Variants in MAGI1 observed in about 807,000 individuals in gnomAD.
MAGI1 encodes the protein membrane-associated guanylate kinase, WW and PDZ domain-containing protein 1.
In MAGI1, 58 loss-of-function variants were observed where a neutral mutation model predicts 139.9. That is an observed-to-expected ratio of 0.41 (90% confidence interval 0.34 to 0.52). The LOEUF is 0.52. Ranked by LOEUF, MAGI1 falls within the 20% of genes least tolerant of loss-of-function variation. MAGI1 has a pLI of 0.12. For synonymous variants in MAGI1, 812 were observed against 737.9 expected, an observed-to-expected ratio of 1.10 and a Z score of -1.63; for missense variants, 1,874 against 1,901.6, an observed-to-expected ratio of 0.99 and a Z score of 0.27.
At chr3:65,602,226 A>T (rs569428800) in intron 2 of MAGI1, among the ~76,000 whole-genome samples, 1 of 152,342 alleles carries the variant, frequency 6.6e-6, no homozygotes, top group South Asian at 2.1e-4. Context: ...AAATAAAAAC[A>T]TACATCCACA....
rs76473206 is a variant in MAGI1 at position 65,560,834 on chromosome 3, G to A, written c.430+61138C>T. 3.7e-4 allele frequency among the ~76,000 whole-genome samples: 57 copies of A among 152,330 alleles called. 1 individual carries two copies. The East Asian group carries it at 8.3e-3, about 22-fold the overall frequency. ...ACTAGGGAAGTCTGGGAGGAAGACT[G>A]CTCAGTGATTAGTCCAGATGGGAAC... On this transcript the variant is annotated intron_variant, in intron 2 of 22. Transcript: ENST00000402939.
chr3:65,740,859 T>A (rs191518915), intron 1 of MAGI1, among the ~76,000 whole-genome samples: 1 of 152,340 alleles, frequency 6.6e-6, no homozygotes, highest in Admixed American at 6.5e-5. Flanking sequence ...TATGCACACA[T>A]CCACAAACAC....
chr3:65,945,185 G>A (rs1157776049), intron 1 of MAGI1, among the ~76,000 whole-genome samples: 1 of 152,164 alleles, frequency 6.6e-6, no homozygotes, highest in East Asian at 1.9e-4. Flanking sequence ...GGCCAGGGTG[G>A]ACTCAAGAAA....
intron 2 of MAGI1, among the ~76,000 whole-genome samples, chr3:65,512,555 G>A (rs1001736321): frequency 6.6e-6 from 1 of 152,120 alleles, no homozygotes; most frequent in Non-Finnish European, 1.5e-5. Context: ...AGAAAATCTA[G>A]AAGAAATGGA....
intron 1 of MAGI1, among the ~76,000 whole-genome samples, chr3:65,909,325 G>C (rs992310899): frequency 2.0e-5 from 3 of 150,152 alleles, no homozygotes; most frequent in African/African-American, 7.4e-5. Context: ...AGGAGTTCAA[G>C]ATCAGCCTGC....
intron 10 of MAGI1, 71 bp from the exon 11 acceptor site, chr3:65,430,952 C>T: frequency 7.1e-7 from 1 of 1,417,090 alleles, no homozygotes; most frequent in Non-Finnish European, 9.8e-7. Flanking sequence ...AGATTTGAGA[C>T]AACATATAGA....
intron 5 of MAGI1, among the ~76,000 whole-genome samples, chr3:65,466,955 G>C (rs765670640): frequency 1.3e-5 from 2 of 152,186 alleles, no homozygotes; most frequent in Non-Finnish European, 2.9e-5. Flanking sequence ...CTGTCTTGTA[G>C]GATGCCCCTT....
At chr3:65,994,480 T>C (rs545775290) in intron 1 of MAGI1, among the ~76,000 whole-genome samples, 1 of 152,238 alleles carries the variant, frequency 6.6e-6, no homozygotes, top group African/African-American at 2.4e-5. Flanking sequence ...CCACCCTGGG[T>C]GCTGACTAAA....
At chr3:65,925,706 A>T (rs1295717585) in intron 1 of MAGI1, among the ~76,000 whole-genome samples, 1 of 151,864 alleles carries the variant, frequency 6.6e-6, no homozygotes, top group Non-Finnish European at 1.5e-5. Context: ...TTTAGACAGG[A>T]TCTCCCTCTG....
chr3:65,691,130 G>A (rs1284293150), intron 1 of MAGI1, among the ~76,000 whole-genome samples: 1 of 151,682 alleles, frequency 6.6e-6, no homozygotes, highest in Non-Finnish European at 1.5e-5. Context: ...GGGAAACCCC[G>A]TCTCTACTAA....
chr3:65,400,784 T>G (rs78391593), intron 13 of MAGI1, among the ~76,000 whole-genome samples: 1 of 123,606 alleles, frequency 8.1e-6, no homozygotes, highest in Non-Finnish European at 1.6e-5. Context: ...TTTTTTTTTT[T>G]TTTTTAAGAA....
chr3:65,531,285 A>G (rs73128972), intron 2 of MAGI1, among the ~76,000 whole-genome samples: 53,842 of 151,724 alleles, frequency 0.35, 10,685 homozygotes, highest in East Asian at 0.69. Context: ...TGAGCAACAG[A>G]CTTGCCTATC....
At chr3:65,957,369 A>T (rs888759752) in intron 1 of MAGI1, among the ~76,000 whole-genome samples, 4 of 151,030 alleles carry the variant, frequency 2.6e-5, no homozygotes, top group African/African-American at 7.3e-5. Flanking sequence ...AAAAAAAAAA[A>T]ATTTAGCTGA....
At position 65,430,745 on chromosome 3, in the gene MAGI1, G is replaced by A; in HGVS notation, c.1500C>T (p.Ser500=). 6.2e-7 allele frequency: 1 copy of A among 1,613,650 alleles called. No homozygotes were observed. Among genetic ancestry groups the A allele is most frequent in the Admixed American group, 1.7e-5 (1 of 59,972 alleles). ...DEPDEFLQIK[S]LVLDGPAALD... ...ATGCAGCAGGACCATCTAGGACCAA[G>A]CTCTTGATCTGGAGAAACTCATCAG... Residue 500 remains serine (S), a synonymous_variant, in exon 11 of 23, where the codon AGC becomes AGT. Coordinates refer to ENST00000402939, the MANE Select transcript of MAGI1 (RefSeq NM_001033057.2).
At chr3:65,532,947 A>G (rs1398583466) in intron 2 of MAGI1, 1 of 152,088 alleles carries the variant, frequency 6.6e-6, no homozygotes, top group Non-Finnish European at 1.5e-5. Flanking sequence ...CTCTCTCCTG[A>G]TCTATACCAC....
intron 1 of MAGI1, among the ~76,000 whole-genome samples, chr3:65,836,824 GAGAA>G (rs2042834683): frequency 6.6e-6 from 1 of 152,074 alleles, no homozygotes; most frequent in African/African-American, 2.4e-5. Flanking sequence ...CAGAGAGAAA[GAGAA>G]AGAGAGAAAG....
At chr3:65,547,499 C>T (rs1047232676) in intron 2 of MAGI1, among the ~76,000 whole-genome samples, 5 of 152,180 alleles carry the variant, frequency 3.3e-5, no homozygotes, top group Non-Finnish European at 5.9e-5. Context: ...CATCTACCTA[C>T]TCCACATCTG....
intron 1 of MAGI1, among the ~76,000 whole-genome samples, chr3:66,023,179 A>G (rs2068051910): frequency 6.6e-6 from 1 of 152,194 alleles, no homozygotes; most frequent in Admixed American, 6.5e-5. Flanking sequence ...CATATAGAAT[A>G]TCCTATCTAA....
chr3:65,838,213 G>C (rs1396931716), intron 1 of MAGI1, among the ~76,000 whole-genome samples: 1 of 152,186 alleles, frequency 6.6e-6, no homozygotes, highest in Admixed American at 6.5e-5. Flanking sequence ...TAGGAAGGCT[G>C]AGGCAGGAGA....
Sources: allele counts gnomAD v4.1 joint callset (sites outside exome capture counted in the v4.1 genomes callset), GRCh38; gene constraint gnomAD v4.1.1; transcripts MANE v1.5; gene names NCBI Gene and HGNC (gene_info 2026-07-23, HGNC 2026-07-21).